SECISBP2: variants seen among roughly 807,000 people sequenced by gnomAD.
SECISBP2 encodes selenocysteine insertion sequence-binding protein 2.
Under a neutral mutation model 98.2 loss-of-function variants are expected in SECISBP2, and 96 were observed. The observed-to-expected ratio is 0.98, with a 90% confidence interval of 0.83 to 1.16. SECISBP2 has a LOEUF of 1.16. Ranked by LOEUF, SECISBP2 falls within the 50% of genes most tolerant of loss-of-function variation. The pLI is 0.00. For missense variants in SECISBP2, 1,046 were observed against 1,022.9 expected (o/e 1.02, Z -0.31); for synonymous variants, 407 against 370.2 (o/e 1.10, Z -1.14).
chr9:89,358,730 G>A lies in SECISBP2; in HGVS notation c.2471G>A (p.Trp824Ter), dbSNP rs1176267137. The change falls in exon 17 of 17, where the codon TGG becomes TAG. Residue 824 changes from tryptophan (W) to a stop codon, truncating the protein, a stop_gained. Coordinates refer to ENST00000375807, the MANE Select transcript of SECISBP2 (RefSeq NM_024077.5). LOFTEE classifies it high-confidence loss of function. ...EKEEPHYIEI[W>*]KKHLEAYSGC... ...TGTTTTCTCATTTTAGTTGAAATCT[G>A]GAAAAAACATCTGGAAGCATACAGT... 3 of 1,611,792 alleles carry A rather than the reference G, an allele frequency of 1.9e-6. No homozygotes were observed. The South Asian group carries it at 3.3e-5, about 18-fold the overall frequency.
intron 16 of SECISBP2, 143 bp from the exon 17 acceptor site, chr9:89,358,578 T>A (rs898293136): frequency 7.0e-6 from 5 of 717,068 alleles, no homozygotes; most frequent in Non-Finnish European, 1.3e-5. Context: ...GAACAGTGAG[T>A]GAATGTCTGC....
chr9:89,363,552 G>C, downstream of SECISBP2: 1 of 1,613,418 alleles, frequency 6.2e-7, no homozygotes, highest in Non-Finnish European at 8.5e-7. Context: ...GGGTCCCCAG[G>C]TCAAAGCTCT....
At position 89,357,444 on chromosome 9, in the gene SECISBP2, A is replaced by G. The variant is rs777690381; in HGVS notation, c.2147A>G (p.Asp716Gly). 2 of 1,614,162 alleles carry G rather than the reference A, an allele frequency of 1.2e-6. No homozygotes were observed. The highest frequency in any genetic ancestry group is 2.2e-5 in the South Asian group (2 of 91,090). Residue 716 changes from aspartate (D) to glycine (G), a missense_variant, in exon 15 of 17, where the codon GAT (aspartate) becomes GGT (glycine). By Grantham distance (94) the Asp-to-Gly change is moderately conservative. Transcript: ENST00000375807. ...GATGACACTTTGCACACAATTATTG[A>G]TTATGCCTGTGAGCAGAACATTCCC... ...GLDDTLHTII[D>G]YACEQNIPFV...
intron 2 of SECISBP2, among the ~76,000 whole-genome samples, chr9:89,320,192 A>G (rs573209083): frequency 3.3e-4 from 50 of 152,050 alleles, no homozygotes; most frequent in African/African-American, 1.2e-3. Context: ...CTCCGTCTCC[A>G]CAAAAATACA....
chr9:89,328,756 C>G lies in SECISBP2; in HGVS notation c.671C>G (p.Pro224Arg), dbSNP rs371846875. The change falls in exon 5 of 17, where the codon CCT (proline) becomes CGT (arginine). Residue 224 changes from proline (P) to arginine (R), a missense_variant. Physicochemically the swap from Pro to Arg is moderately radical, Grantham distance 103 (BLOSUM62 -2). Coordinates refer to ENST00000375807, the MANE Select transcript of SECISBP2 (RefSeq NM_024077.5). ...PEFEFTTLDF[P>R]ELQGAENNMS... ...TTTGAATTTACCACACTGGACTTTC[C>G]TGAACTGCAAGGTGCAGAGAACAAT... 6.2e-7 allele frequency: 1 copy of G among 1,614,202 alleles called. No homozygotes were observed. Among genetic ancestry groups the G allele is most frequent in the Non-Finnish European group, 8.5e-7 (1 of 1,180,016 alleles).
chr9:89,333,923 TGAG>T, intron 6 of SECISBP2: 1 of 562,532 alleles, frequency 1.8e-6, no homozygotes. Flanking sequence ...AGTTCTCTAG[TGAG>T]GGGAACAGTC....
At chr9:89,340,002 G>T (rs752407804) in intron 9 of SECISBP2, 49 bp downstream of exon 9, 15 of 1,339,504 alleles carry the variant, frequency 1.1e-5, no homozygotes, top group African/African-American at 2.9e-5. Context: ...AACTCTTCTG[G>T]CTCAACTAAA....
intron 9 of SECISBP2, among the ~76,000 whole-genome samples, 187 bp from the exon 10 acceptor site, chr9:89,341,158 CAT>C (rs1471109671): frequency 6.6e-6 from 1 of 152,206 alleles, no homozygotes; most frequent in African/African-American, 2.4e-5. Context: ...AGAAGGAAGA[CAT>C]AAACAACCAT....
downstream of SECISBP2, chr9:89,363,879 G>A (rs927853601): frequency 6.2e-7 from 1 of 1,614,130 alleles, no homozygotes; most frequent in African/African-American, 1.3e-5. Context: ...GGCAGTGCAT[G>A]GGTCTGCACA....
chr9:89,322,117 T>TC (rs1825918952), intron 2 of SECISBP2: 1 of 152,266 alleles, frequency 6.6e-6, no homozygotes. Context: ...GCTCATTTAT[T>TC]CATTTGGAAT....
chr9:89,328,699 T>C lies in SECISBP2; in HGVS notation c.614T>C (p.Ile205Thr), dbSNP rs1219404537. ...CGAACAGACAGGAAATCCAGAATCA[T>C]TGCAAAAAATGTATCTACCTCCAAA... ...HKRTDRKSRI[I>T]AKNVSTSKPE... The change falls in exon 5 of 17, where the codon ATT (isoleucine) becomes ACT (threonine). Residue 205 changes from isoleucine to threonine, a missense_variant. Coordinates refer to ENST00000375807, the MANE Select transcript of SECISBP2 (RefSeq NM_024077.5). 6.8e-6 allele frequency: 11 copies of C among 1,614,050 alleles called. No individual in the cohort carries two copies. The highest frequency in any genetic ancestry group is 9.3e-6 in the Non-Finnish European group (11 of 1,180,004).
chr9:89,357,328 A>C, intron 14 of SECISBP2, 83 bp from the exon 15 acceptor site: 2 of 1,488,642 alleles, frequency 1.3e-6, no homozygotes, highest in Non-Finnish European at 1.9e-6. Flanking sequence ...GTGTGTTGCT[A>C]AGAAAAAGCT....
intron 6 of SECISBP2, chr9:89,334,147 C>T (rs1433207444): frequency 8.7e-7 from 1 of 1,152,112 alleles, no homozygotes; most frequent in Non-Finnish European, 1.1e-6. Context: ...GTTAAAGGTA[C>T]ACTTCAAGGT....
At chr9:89,340,979 A>G (rs77334957) in intron 9 of SECISBP2, among the ~76,000 whole-genome samples, 1,889 of 152,144 alleles carry the variant, frequency 0.012, 40 homozygotes, top group African/African-American at 0.043. Context: ...TGGAGAGAGA[A>G]TGGGCTAATG....
At chr9:89,318,866 T>G (rs1825173383) in intron 1 of SECISBP2, 2 of 1,258,104 alleles carry the variant, frequency 1.6e-6, no homozygotes, top group East Asian at 3.2e-5. Flanking sequence ...GCGCAGTGAC[T>G]GCGGCCCAGC....
downstream of SECISBP2, among the ~76,000 whole-genome samples, chr9:89,363,237 C>G (rs1295772579): frequency 6.6e-6 from 1 of 151,976 alleles, no homozygotes; most frequent in East Asian, 1.9e-4. Flanking sequence ...CCCTTGATCT[C>G]CTGCAGTCTC....
chr9:89,344,075 T>A (rs941147878), intron 10 of SECISBP2, among the ~76,000 whole-genome samples: 1 of 151,844 alleles, frequency 6.6e-6, no homozygotes, highest in Non-Finnish European at 1.5e-5. Context: ...GATTAAGTGA[T>A]GTTGAGGTTT....
chr9:89,332,874 T>A (rs759712261), intron 5 of SECISBP2, 34 bp from the exon 6 acceptor site: 3 of 1,538,126 alleles, frequency 2.0e-6, no homozygotes, highest in Non-Finnish European at 2.7e-6. Flanking sequence ...TAATTTGCAT[T>A]TCTCTGATGA....
intron 1 of SECISBP2, chr9:89,319,098 A>G: frequency 1.0e-6 from 1 of 960,108 alleles, no homozygotes; most frequent in Non-Finnish European, 1.2e-6. Context: ...CTAAAAACTA[A>G]AGAAAGAAAT....
Sources: allele counts gnomAD v4.1 joint callset (sites outside exome capture counted in the v4.1 genomes callset), GRCh38; gene constraint gnomAD v4.1.1; transcripts MANE v1.5; gene names NCBI Gene and HGNC (gene_info 2026-07-23, HGNC 2026-07-21).